Variants in SORBS2 observed in about 807,000 individuals in gnomAD.
SORBS2 encodes sorbin and SH3 domain-containing protein 2.
Under a neutral mutation model 97.7 loss-of-function variants are expected in SORBS2, and 46 were observed. The observed-to-expected ratio is 0.47, with a 90% CI of 0.37 to 0.60. SORBS2 has a LOEUF of 0.60. Among genes scored for constraint, SORBS2 ranks in the 20% least tolerant of loss-of-function variants. The pLI is 0.00. For missense variants in SORBS2, 1,316 were observed against 1,282.3 expected (o/e 1.03, Z -0.40); for synonymous variants, 476 against 473.4 (o/e 1.01, Z -0.07).
chr4:185,837,013 C>T (rs998908513), intron 1 of SORBS2, among the ~76,000 whole-genome samples: 5 of 152,170 alleles, frequency 3.3e-5, no homozygotes, highest in African/African-American at 1.2e-4. Flanking sequence ...TACTGCCCTT[C>T]ACTTATGGAT....
At chr4:185,587,584 T>A in exon 15 of SORBS2, 1 of 1,584,410 alleles carries the variant, frequency 6.3e-7, no homozygotes, top group Non-Finnish European at 8.7e-7. Flanking sequence ...TTGACGCAGG[T>A]GCATGGCTGG....
At chr4:185,622,011 T>C (rs1037571115) in intron 7 of SORBS2, among the ~76,000 whole-genome samples, 1 of 152,244 alleles carries the variant, frequency 6.6e-6, no homozygotes, top group South Asian at 2.1e-4. Flanking sequence ...GGAATGTTCA[T>C]TCCAGCCTCT....
chr4:185,883,263 A>G (rs1194895467), intron 1 of SORBS2, among the ~76,000 whole-genome samples: 1 of 152,226 alleles, frequency 6.6e-6, no homozygotes, highest in Non-Finnish European at 1.5e-5. Flanking sequence ...TTTTTTCACA[A>G]AAGAATATAT....
chr4:185,640,116 C>T (rs922311257), intron 4 of SORBS2, among the ~76,000 whole-genome samples: 5 of 152,104 alleles, frequency 3.3e-5, no homozygotes, highest in African/African-American at 1.2e-4. Context: ...GGAGTAATTA[C>T]AGACAATGAT....
At chr4:185,593,717 G>A in intron 13 of SORBS2, 169 bp downstream of exon 25, 1 of 570,780 alleles carries the variant, frequency 1.8e-6, no homozygotes, top group Non-Finnish European at 3.1e-6. Flanking sequence ...ATTAGTTTCT[G>A]GTCACTGTCA....
chr4:185,896,345 A>C (rs2099245038), intron 1 of SORBS2, among the ~76,000 whole-genome samples: 1 of 152,230 alleles, frequency 6.6e-6, no homozygotes, highest in South Asian at 2.1e-4. Context: ...GCACTTTGGG[A>C]GGCCGAGGCA....
chr4:185,911,596 T>C (rs529603415), intron 1 of SORBS2, among the ~76,000 whole-genome samples: 59 of 152,240 alleles, frequency 3.9e-4, no homozygotes, highest in African/African-American at 1.4e-3. Context: ...GGTTCTAAGA[T>C]ACACATTTTA....
chr4:185,883,419 C>G (rs1057333466), intron 1 of SORBS2, among the ~76,000 whole-genome samples: 1 of 152,162 alleles, frequency 6.6e-6, no homozygotes, highest in Non-Finnish European at 1.5e-5. Flanking sequence ...ATTCTCATAA[C>G]ACTGCTTGTG....
chr4:185,590,324 CTG>C (rs1322446522), intron 13 of SORBS2, among the ~76,000 whole-genome samples: 1 of 152,078 alleles, frequency 6.6e-6, no homozygotes, highest in Non-Finnish European at 1.5e-5. Context: ...TTTAATCACT[CTG>C]TGTGAATTAC....
chr4:185,918,616 T>C (rs2099259457), intron 1 of SORBS2: 1 of 152,250 alleles, frequency 6.6e-6, no homozygotes. Flanking sequence ...GTGGCCCCCA[T>C]GGCTCATATT....
In SORBS2 at chr4:185,621,692, GTTAA is replaced by G. The variant is rs1202484205; in HGVS notation, c.2215+1218_2215+1221del. On this transcript the variant is annotated intron_variant, in intron 7 of 14. Coordinates refer to ENST00000418609, the Ensembl canonical transcript of SORBS2. ...ATAAAGACTAAGTAGATTTGTGCAA[GTTAA>G]TTAACAATCGAGCCATATTTGACAC... 6.6e-5 allele frequency among the ~76,000 whole-genome samples: 10 copies of G among 152,070 alleles called. No homozygotes were observed. In the South Asian group the frequency reaches 1.9e-3, roughly 28 times the overall value.
chr4:185,814,175 G>T (rs1023066582), intron 1 of SORBS2, among the ~76,000 whole-genome samples: 1 of 152,046 alleles, frequency 6.6e-6, no homozygotes, highest in Non-Finnish European at 1.5e-5. Flanking sequence ...GTTTTAGGGT[G>T]GCTTTTCTTT....
intron 1 of SORBS2, among the ~76,000 whole-genome samples, chr4:185,881,290 T>C (rs1054087270): frequency 4.6e-5 from 7 of 152,084 alleles, no homozygotes; most frequent in African/African-American, 1.7e-4. Context: ...AAATGGAAGC[T>C]AGACAACAAT....
intron 1 of SORBS2, among the ~76,000 whole-genome samples, chr4:185,939,746 G>C (rs372397562): frequency 6.6e-6 from 1 of 152,092 alleles, no homozygotes; most frequent in Non-Finnish European, 1.5e-5. Context: ...CCAACCTCAC[G>C]TGATCTGCCC....
chr4:185,691,145 C>T (rs2098085773), intron 2 of SORBS2, among the ~76,000 whole-genome samples: 1 of 152,130 alleles, frequency 6.6e-6, no homozygotes, highest in South Asian at 2.1e-4. Context: ...CGTGATCCAC[C>T]TGATTCGGCC....
At chr4:185,934,344 G>C (rs1017247599) in intron 1 of SORBS2, among the ~76,000 whole-genome samples, 9 of 152,128 alleles carry the variant, frequency 5.9e-5, no homozygotes, top group African/African-American at 1.9e-4. Flanking sequence ...GCCACGCAAA[G>C]GCTTGCACTC....
intron 4 of SORBS2, among the ~76,000 whole-genome samples, chr4:185,641,921 C>G (rs3749576): frequency 0.37 from 55,970 of 151,996 alleles, 10,481 homozygotes; most frequent in South Asian, 0.54. Context: ...TTAGTGTTTT[C>G]TATAATTTAA....
At chr4:185,909,691 A>G (rs1341548117) in intron 1 of SORBS2, among the ~76,000 whole-genome samples, 2 of 152,240 alleles carry the variant, frequency 1.3e-5, no homozygotes, top group South Asian at 2.1e-4. Flanking sequence ...CTGCCACTCA[A>G]TATAACTTGT....
intron 4 of SORBS2, 120 bp from the exon 16 acceptor site, chr4:185,635,531 C>T: frequency 5.6e-6 from 4 of 708,750 alleles, no homozygotes; most frequent in Non-Finnish European, 9.8e-6. Context: ...GTTGACAGCA[C>T]CAGCTACACA....
Sources: gnomAD v4.1 joint callset for allele counts (sites outside exome capture counted in the v4.1 genomes callset) on GRCh38, gnomAD v4.1.1 for gene constraint, MANE v1.5 for transcripts, NCBI Gene and HGNC (gene_info 2026-07-23, HGNC 2026-07-21) for gene names.